Variants in RASGEF1C observed in about 807,000 individuals in gnomAD.
RASGEF1C encodes RasGEF domain family member 1C, also known as ras-GEF domain-containing family member 1C.
A neutral mutation model predicts 58.1 loss-of-function variants in RASGEF1C; 27 were observed. That is an observed-to-expected ratio of 0.46 (90% confidence interval 0.34 to 0.64). The LOEUF is 0.64. Ranked by LOEUF, RASGEF1C falls within the 30% of genes least tolerant of loss-of-function variation. The pLI is 0.01. For synonymous variants in RASGEF1C, 243 were observed against 246.3 expected (o/e 0.99, Z 0.13); for missense variants, 502 against 605.1 (o/e 0.83, Z 1.79).
At chr5:180,190,370 G>A (rs187000104) in intron 1 of RASGEF1C, among the ~76,000 whole-genome samples, 41 of 151,154 alleles carry the variant, frequency 2.7e-4, no homozygotes, top group African/African-American at 9.2e-4. Context: ...GGCGCCTGTA[G>A]TCCCAGCTAC....
At position 180,120,353 on chromosome 5, in the gene RASGEF1C, C is replaced by T. The variant is rs185876254; in HGVS notation, c.804+707G>A. Among the ~76,000 whole-genome samples, 949 of 152,304 alleles carry T rather than the reference C, an allele frequency of 6.2e-3. 2 individuals are homozygous for T. Among genetic ancestry groups the T allele is most frequent in the South Asian group, 9.1e-3 (44 of 4,830 alleles). On this transcript the variant is annotated intron_variant, in intron 7 of 13. Coordinates refer to ENST00000361132, the MANE Select transcript of RASGEF1C (RefSeq NM_175062.4). ...TGTCCATCGCCACGTCGCATGGGGC[C>T]GCCTCCTCTCTACTCTTCTCCGCAG... is the stretch of plus-strand genomic sequence containing the variant.
chr5:180,176,841 C>T (rs1767237245), intron 1 of RASGEF1C, among the ~76,000 whole-genome samples: 1 of 152,182 alleles, frequency 6.6e-6, no homozygotes, highest in Non-Finnish European at 1.5e-5. Flanking sequence ...CAGGCGTGAG[C>T]CACCGCGCCT....
At chr5:180,203,037 G>C (rs1413238567) in intron 1 of RASGEF1C, among the ~76,000 whole-genome samples, 1 of 152,146 alleles carries the variant, frequency 6.6e-6, no homozygotes, top group African/African-American at 2.4e-5. Context: ...ACCAACAGAA[G>C]CTAAGCTTTG....
chr5:180,145,422 G>A (rs1022482477), intron 1 of RASGEF1C, among the ~76,000 whole-genome samples: 1 of 152,126 alleles, frequency 6.6e-6, no homozygotes, highest in Non-Finnish European at 1.5e-5. Context: ...TGCCCGGCCC[G>A]CTGCACCATT....
At chr5:180,110,710 G>A (rs1178880372) in intron 12 of RASGEF1C, among the ~76,000 whole-genome samples, 1 of 152,226 alleles carries the variant, frequency 6.6e-6, no homozygotes, top group African/African-American at 2.4e-5. Flanking sequence ...TGGCACTGCA[G>A]CAGAGGCCTC....
chr5:180,202,680 G>A (rs1002103873), intron 1 of RASGEF1C, among the ~76,000 whole-genome samples: 2 of 151,926 alleles, frequency 1.3e-5, no homozygotes, highest in African/African-American at 4.8e-5. Flanking sequence ...CAAGCAAGCA[G>A]GAAATAACAG....
At chr5:180,127,470 G>T in intron 6 of RASGEF1C, 139 bp downstream of exon 6, 1 of 670,686 alleles carries the variant, frequency 1.5e-6, no homozygotes, top group Non-Finnish European at 2.3e-6. Flanking sequence ...GCGTGGCGGA[G>T]TGGGCAGGGC....
At chr5:180,206,851 G>C (rs919846549) in intron 1 of RASGEF1C, among the ~76,000 whole-genome samples, 1 of 152,144 alleles carries the variant, frequency 6.6e-6, no homozygotes, top group Non-Finnish European at 1.5e-5. Flanking sequence ...GCTAACTTTT[G>C]TGATAATGCT....
At chr5:180,117,372 C>T (rs922831219) in intron 10 of RASGEF1C, among the ~76,000 whole-genome samples, 1 of 152,208 alleles carries the variant, frequency 6.6e-6, no homozygotes, top group Non-Finnish European at 1.5e-5. Flanking sequence ...CCCTCCAGTG[C>T]AATTCCAGGG....
chr5:180,163,231 CTTT>C (rs1220517606), intron 1 of RASGEF1C, among the ~76,000 whole-genome samples: 1 of 19,456 alleles, frequency 5.1e-5, no homozygotes, highest in Admixed American at 5.9e-4. Context: ...CACCCCCTCA[CTTT>C]TTTTTTTTTT....
intron 1 of RASGEF1C, among the ~76,000 whole-genome samples, chr5:180,148,602 A>C (rs1315961797): frequency 6.6e-6 from 1 of 152,206 alleles, no homozygotes; most frequent in East Asian, 1.9e-4. Flanking sequence ...TAGCATTCAA[A>C]AACTCTGCTC....
At chr5:180,103,132 C>CAGT (rs1765817828) in intron 12 of RASGEF1C, among the ~76,000 whole-genome samples, 2 of 152,220 alleles carry the variant, frequency 1.3e-5, no homozygotes, top group Non-Finnish European at 2.9e-5. Flanking sequence ...GGCTGGAGTG[C>CAGT]AGTGGCGCGA....
chr5:180,190,361 G>C (rs1246748118), intron 1 of RASGEF1C, among the ~76,000 whole-genome samples: 2 of 151,538 alleles, frequency 1.3e-5, no homozygotes, highest in African/African-American at 4.8e-5. Flanking sequence ...GTGGTGGCGG[G>C]CGCCTGTAGT....
At position 180,156,222 on chromosome 5, in the gene RASGEF1C, C is replaced by G. The variant is rs1766845094; in HGVS notation, c.-6-18164G>C. Among the ~76,000 whole-genome samples, 1 of 152,180 alleles carries G rather than the reference C, an allele frequency of 6.6e-6. No homozygotes were observed. Among genetic ancestry groups the G allele is most frequent in the African/African-American group, 2.4e-5 (1 of 41,450 alleles). ...CCCTGCCTAGTTTGACAGCAGAGGG[C>G]AGGTGCATGCTGATGGTGCAAGGAG... On this transcript the variant is annotated intron_variant, in intron 1 of 13. Transcript: ENST00000361132. The surrounding 1 kb of genome is among the most constrained non-coding windows in gnomAD (Gnocchi z 4.9).
chr5:180,118,642 G>A lies in RASGEF1C; in HGVS notation c.1050C>T (p.His350=), dbSNP rs1485465550. The A allele has an allele frequency of 1.9e-6, 3 of 1,613,698 alleles. No individual in the cohort carries two copies. Among genetic ancestry groups the A allele is most frequent in the Non-Finnish European group, 2.5e-6 (3 of 1,179,774 alleles). ...GGCTGCTGTGGGCCGTCAGGGAGCGGTGGGCCGCCCCGCGCAGGGCTGTCC... is the reference window on the plus strand; with the variant it reads ...GGCTGCTGTGGGCCGTCAGGGAGCGATGGGCCGCCCCGCGCAGGGCTGTCC... ...NYRTALRGAA[H]RSLTAHSSRE... is the part of the protein sequence containing the mutation. The change falls in exon 10 of 14, where the codon CAC becomes CAT. Residue 350 remains histidine, a synonymous_variant. Coordinates refer to ENST00000361132, the MANE Select transcript of RASGEF1C (RefSeq NM_175062.4).
intron 1 of RASGEF1C, among the ~76,000 whole-genome samples, chr5:180,185,291 A>G (rs1756014679): frequency 7.9e-3 from 1 of 126 alleles, no homozygotes; most frequent in Non-Finnish European, 0.023. Flanking sequence ...ACTCTGTCTA[A>G]AAAAAAAAAG....
chr5:180,128,155 C>T (rs1384762761), intron 5 of RASGEF1C, among the ~76,000 whole-genome samples: 3 of 152,198 alleles, frequency 2.0e-5, no homozygotes, highest in Admixed American at 6.5e-5. Flanking sequence ...CACGGGAGCG[C>T]GCTGAAGAGT....
At chr5:180,165,064 T>G (rs938971947) in intron 1 of RASGEF1C, among the ~76,000 whole-genome samples, 3 of 152,224 alleles carry the variant, frequency 2.0e-5, no homozygotes, top group Non-Finnish European at 4.4e-5. Flanking sequence ...ATGCTTTGTC[T>G]GTTATTAATA....
At chr5:180,208,148 C>T (rs1311831717) in intron 1 of RASGEF1C, among the ~76,000 whole-genome samples, 2 of 152,048 alleles carry the variant, frequency 1.3e-5, no homozygotes, top group Non-Finnish European at 2.9e-5. Flanking sequence ...AGGTGGGACC[C>T]CAGCGTTGCC....
Sources: gnomAD v4.1 joint callset for allele counts (sites outside exome capture counted in the v4.1 genomes callset) on GRCh38, gnomAD v4.1.1 for gene constraint, Gnocchi (gnomAD v3.1) non-coding constraint, MANE v1.5 for transcripts, NCBI Gene and HGNC (gene_info 2026-07-23, HGNC 2026-07-21) for gene names.